Variants in PCDH11Y observed in about 807,000 individuals in gnomAD.
PCDH11Y encodes protocadherin 11 Y-linked.
For missense variants in PCDH11Y, 12 were observed against 224.8 expected (o/e 0.05, Z 6.05); for synonymous variants, 9 against 83.6 (o/e 0.11, Z 4.87).
At chrY:5,566,849 T>C in intron 3 of PCDH11Y, among the ~76,000 whole-genome samples, 1 of 32,987 alleles carries the variant, frequency 3.0e-5, no homozygotes, top group Admixed American at 2.8e-4. Flanking sequence ...TATGAAACTA[T>C]AGGAAGATGA....
intron 2 of PCDH11Y, among the ~76,000 whole-genome samples, chrY:5,241,603 C>T: frequency 4.2e-5 from 1 of 23,630 alleles, no homozygotes; most frequent in Non-Finnish European, 9.7e-5. Flanking sequence ...AGGAGAGATA[C>T]ATGGAAAGGG....
chrY:5,619,925 T>TA (rs2053497867), intron 4 of PCDH11Y, among the ~76,000 whole-genome samples: 4 of 25,597 alleles, frequency 1.6e-4, no homozygotes, highest in Non-Finnish European at 2.7e-4. Flanking sequence ...TTTATAGCAC[T>TA]AAATCTCAAC....
exon 2 of PCDH11Y, chrY:5,100,066 A>G: frequency 5.1e-6 from 2 of 395,244 alleles, no homozygotes; most frequent in African/African-American, 1.3e-4. Context: ...GACCCCAAAT[A>G]CTGAGATAGC....
At chrY:5,617,111 T>C (rs2053494441) in intron 4 of PCDH11Y, among the ~76,000 whole-genome samples, 1 of 33,360 alleles carries the variant, frequency 3.0e-5, no homozygotes. Flanking sequence ...TCGTAAATGT[T>C]GCTATGCCCT....
At chrY:5,138,548 A>G (rs2052843998) in intron 2 of PCDH11Y, among the ~76,000 whole-genome samples, 1 of 33,633 alleles carries the variant, frequency 3.0e-5, no homozygotes, top group African/African-American at 1.2e-4. Context: ...AATAAGCTCA[A>G]TTAGAAATGA....
intron 2 of PCDH11Y, among the ~76,000 whole-genome samples, chrY:5,239,093 A>G: frequency 3.4e-4 from 11 of 32,298 alleles, no homozygotes; most frequent in Non-Finnish European, 7.6e-4. Flanking sequence ...CCAAAGGGCT[A>G]CAAATCATGC....
At chrY:5,139,132 A>T in intron 2 of PCDH11Y, among the ~76,000 whole-genome samples, 1 of 33,920 alleles carries the variant, frequency 2.9e-5, no homozygotes, top group East Asian at 7.8e-4. Context: ...CAGAATTAAA[A>T]ACAAAAATCA....
chrY:5,338,232 C>T, intron 2 of PCDH11Y: 1 of 323,227 alleles, frequency 3.1e-6, no homozygotes, highest in Non-Finnish European at 4.6e-6. Context: ...TGGCGGATGC[C>T]CTCCAGGGTC....
chrY:5,584,036 C>T lies in PCDH11Y; in HGVS notation c.3352+2238C>T. Among the ~76,000 whole-genome samples the T allele has an allele frequency of 1.3e-4, 4 of 31,652 alleles. No individual in the cohort carries two copies. In the South Asian group the frequency reaches 2.9e-3, roughly 23 times the overall value. 84.9% of individuals were successfully genotyped at this position (31,652 alleles called of 37,273 possible). A position where few individuals can be genotyped will look rare whatever the true frequency, so the allele number is the denominator to read the frequency against. ...TTAGAGAAAACACTTTTCGTTTTTTCCCCTTTCAGTATGATACTAGCTGTA... is the reference window on the plus strand; with the variant it reads ...TTAGAGAAAACACTTTTCGTTTTTTTCCCTTTCAGTATGATACTAGCTGTA... On this transcript the variant is annotated intron_variant, in intron 4 of 4. Transcript: ENST00000400457.
intron 1 of PCDH11Y, among the ~76,000 whole-genome samples, chrY:5,014,820 A>G: frequency 6.0e-5 from 2 of 33,096 alleles, no homozygotes; most frequent in African/African-American, 2.4e-4. Flanking sequence ...TTTTATTTGA[A>G]TTACATTCAA....
intron 2 of PCDH11Y, among the ~76,000 whole-genome samples, chrY:5,316,838 A>G: frequency 3.0e-5 from 1 of 33,127 alleles, no homozygotes; most frequent in Non-Finnish European, 7.4e-5. Context: ...TGCAATTTAT[A>G]TCTTTCAGAA....
chrY:5,194,812 C>T, intron 2 of PCDH11Y, among the ~76,000 whole-genome samples: 6 of 32,670 alleles, frequency 1.8e-4, no homozygotes, highest in African/African-American at 7.2e-4. Flanking sequence ...CCACTGCTGG[C>T]GAGGGTGGCC....
At chrY:5,410,537 A>G (rs2124678307) in intron 2 of PCDH11Y, among the ~76,000 whole-genome samples, 13 of 32,790 alleles carry the variant, frequency 4.0e-4, no homozygotes, top group African/African-American at 1.4e-3. Context: ...TTTTTTTTCT[A>G]AACTTTTATC....
At chrY:5,408,368 A>G in intron 2 of PCDH11Y, among the ~76,000 whole-genome samples, 1 of 34,007 alleles carries the variant, frequency 2.9e-5, no homozygotes, top group Non-Finnish European at 7.3e-5. Flanking sequence ...ACTTTGCAAC[A>G]TTTTTTGAAA....
intron 2 of PCDH11Y, among the ~76,000 whole-genome samples, chrY:5,378,469 G>T: frequency 3.0e-5 from 1 of 33,237 alleles, no homozygotes; most frequent in Non-Finnish European, 7.4e-5. Flanking sequence ...AGCACAGTTA[G>T]GTGTTTATTG....
intron 2 of PCDH11Y, among the ~76,000 whole-genome samples, chrY:5,275,626 T>A: frequency 3.0e-5 from 1 of 33,589 alleles, no homozygotes; most frequent in Non-Finnish European, 7.4e-5. Context: ...ACAAATTCTA[T>A]AAACCAAATC....
At chrY:5,695,451 A>T (rs2053571748) in intron 4 of PCDH11Y, among the ~76,000 whole-genome samples, 1 of 17,940 alleles carries the variant, frequency 5.6e-5, no homozygotes, top group Non-Finnish European at 1.3e-4. Context: ...ATGTCTTTTC[A>T]TTGGAGAGTT....
At chrY:5,369,760 C>A (rs2053185674) in intron 2 of PCDH11Y, among the ~76,000 whole-genome samples, 2 of 32,911 alleles carry the variant, frequency 6.1e-5, no homozygotes, top group African/African-American at 1.2e-4. Context: ...CTGATTTAAT[C>A]ATCTGACCTT....
upstream of PCDH11Y, among the ~76,000 whole-genome samples, chrY:5,055,178 T>A: frequency 3.0e-5 from 1 of 33,537 alleles, no homozygotes; most frequent in Admixed American, 2.8e-4. Flanking sequence ...TTTTGTGTAT[T>A]CCAACATTGG....
Sources: gnomAD v4.1 joint callset for allele counts (sites outside exome capture counted in the v4.1 genomes callset) on GRCh38, gnomAD v4.1.1 for gene constraint, MANE v1.5 for transcripts, NCBI Gene and HGNC (gene_info 2026-07-23, HGNC 2026-07-21) for gene names.